PREX1: variants seen among roughly 807,000 people sequenced by gnomAD.
PREX1 encodes the protein phosphatidylinositol 3,4,5-trisphosphate-dependent Rac exchanger 1 protein.
Under a neutral mutation model 198.3 loss-of-function variants are expected in PREX1, and 41 were observed. The ratio of observed to expected loss-of-function variants is 0.21; its 90% CI spans 0.16 to 0.27. PREX1 has a LOEUF of 0.27. PREX1 is among the 10% of genes least tolerant of loss of function. The pLI is 1.00. For missense variants in PREX1, 1,620 were observed against 2,200.7 expected, an observed-to-expected ratio of 0.74 and a Z score of 5.28; for synonymous variants, 843 against 887.2, an observed-to-expected ratio of 0.95 and a Z score of 0.89.
At position 48,737,598 on chromosome 20, in the gene PREX1, C is replaced by T. The variant is rs144091409; in HGVS notation, c.415-2948G>A. Among the ~76,000 whole-genome samples the T allele has an allele frequency of 7.1e-3, 1,083 of 152,282 alleles. 11 individuals carry two copies. The highest frequency in any genetic ancestry group is 0.025 in the African/African-American group (1,030 of 41,536). On this transcript the variant is annotated intron_variant, in intron 3 of 39. Coordinates refer to ENST00000371941, the MANE Select transcript of PREX1 (RefSeq NM_020820.4). The stretch of plus-strand genomic sequence containing the variant: ...TCTTCCCAGGCTGGTCCCACCCCAC[C>T]CCAGGGACCATAAGTGAGCACATGA...
At chr20:48,680,719 C>T (rs534421268) in intron 11 of PREX1, among the ~76,000 whole-genome samples, 103 of 152,212 alleles carry the variant, frequency 6.8e-4, no homozygotes, top group African/African-American at 2.3e-3. Context: ...GTTACCTTCT[C>T]GGTGAGGCCT....
At chr20:48,856,676 G>T in the PREX1 span, among the ~76,000 whole-genome samples, 7 of 152,324 alleles carry the variant, frequency 4.6e-5, no homozygotes, top group East Asian at 1.3e-3. Context: ...TAGGGCAAGA[G>T]GGGGATGAGA....
chr20:48,867,486 C>T, the PREX1 span, among the ~76,000 whole-genome samples: 9 of 152,228 alleles, frequency 5.9e-5, no homozygotes, highest in African/African-American at 1.7e-4. Context: ...CCAAGCTGGG[C>T]GGATGAGAAT....
the PREX1 span, among the ~76,000 whole-genome samples, chr20:48,858,350 A>G: frequency 6.6e-6 from 1 of 152,116 alleles, no homozygotes; most frequent in African/African-American, 2.4e-5. Context: ...CTCAGCATCA[A>G]TCTCCTCTCA....
chr20:48,732,590 G>A (rs2090039125), intron 4 of PREX1, among the ~76,000 whole-genome samples: 1 of 152,160 alleles, frequency 6.6e-6, no homozygotes. Flanking sequence ...CACTTTTCTA[G>A]GATGGACCCC....
At position 48,827,539 on chromosome 20, in the gene PREX1, G is replaced by A. The variant is rs2090515164; in HGVS notation, c.219+103C>T. On this transcript the variant is annotated intron_variant, in intron 1 of 39. Transcript: ENST00000371941. This position sits in a 1 kb window ranked among gnomAD's most constrained non-coding sequence, Gnocchi z 4.1. Reference sequence around the variant, plus strand: ...CGCGCGCCCTGCGGGGCGCCCCCGAGGCAATTCTCCACCCACGGGGACCAC... The same window carrying A: ...CGCGCGCCCTGCGGGGCGCCCCCGAAGCAATTCTCCACCCACGGGGACCAC... The A allele has an allele frequency of 1.1e-6, 1 of 903,206 alleles. No homozygotes were observed. The highest frequency in any genetic ancestry group is 1.4e-6 in the Non-Finnish European group (1 of 697,828). The allele number at this position is 903,206 out of a possible 1,614,324, so 55.9% of individuals were successfully genotyped here.
At chr20:48,795,987 G>A (rs758556707) in intron 1 of PREX1, among the ~76,000 whole-genome samples, 1 of 152,154 alleles carries the variant, frequency 6.6e-6, no homozygotes, top group African/African-American at 2.4e-5. Context: ...AAACACACAG[G>A]GAAAGATCTG....
chr20:48,885,292 C>T, the PREX1 span, among the ~76,000 whole-genome samples: 8 of 151,956 alleles, frequency 5.3e-5, no homozygotes, highest in Admixed American at 1.3e-4. Flanking sequence ...ATATTGCAGG[C>T]GCTTAATAAA....
At chr20:48,696,425 T>A (rs2089845878) in intron 7 of PREX1, among the ~76,000 whole-genome samples, 1 of 152,206 alleles carries the variant, frequency 6.6e-6, no homozygotes, top group Non-Finnish European at 1.5e-5. Context: ...TTCGATTCCA[T>A]TACTCTACGT....
the PREX1 span, among the ~76,000 whole-genome samples, chr20:48,868,394 T>C: frequency 6.6e-6 from 1 of 152,134 alleles, no homozygotes; most frequent in Non-Finnish European, 1.5e-5. Flanking sequence ...CTCGGCTCAC[T>C]GCAACCTCCG....
At chr20:48,761,637 T>G (rs1478377551) in intron 1 of PREX1, among the ~76,000 whole-genome samples, 1 of 152,114 alleles carries the variant, frequency 6.6e-6, no homozygotes, top group Admixed American at 6.5e-5. Context: ...TGGGGGACAC[T>G]GAGAGGAACC....
intron 15 of PREX1, among the ~76,000 whole-genome samples, chr20:48,665,429 CTCCAGACG>C (rs2089631773): frequency 6.7e-6 from 1 of 148,292 alleles, no homozygotes; most frequent in Admixed American, 6.7e-5. Context: ...CTAATCCTGA[CTCCAGACG>C]GCCTGAGTTC....
the PREX1 span, among the ~76,000 whole-genome samples, chr20:48,873,540 C>T: frequency 1.5e-5 from 2 of 131,232 alleles, no homozygotes; most frequent in African/African-American, 6.0e-5. Context: ...GAAACCCAGT[C>T]TCTAGTAAAA....
chr20:48,878,323 T>C, the PREX1 span, among the ~76,000 whole-genome samples: 1 of 152,244 alleles, frequency 6.6e-6, no homozygotes, highest in Admixed American at 6.5e-5. Flanking sequence ...AGACACCTGA[T>C]ACTTTGCCCA....
At chr20:48,804,813 G>A (rs898457723) in intron 1 of PREX1, among the ~76,000 whole-genome samples, 5 of 152,180 alleles carry the variant, frequency 3.3e-5, no homozygotes, top group Non-Finnish European at 7.3e-5. Flanking sequence ...TGGGTTGGAT[G>A]TGGGATGTAA....
chr20:48,643,783 C>T (rs914050935), intron 27 of PREX1, among the ~76,000 whole-genome samples: 10 of 152,310 alleles, frequency 6.6e-5, no homozygotes, highest in Admixed American at 2.0e-4. Context: ...AAGTGATTCT[C>T]CTGCCTCAGC....
chr20:48,842,327 A>C, the PREX1 span, among the ~76,000 whole-genome samples: 1 of 152,136 alleles, frequency 6.6e-6, no homozygotes, highest in African/African-American at 2.4e-5. Flanking sequence ...AGCCTTGATT[A>C]ATCTAATCTC....
At chr20:48,802,866 T>C (rs1299694660) in intron 1 of PREX1, among the ~76,000 whole-genome samples, 1 of 152,214 alleles carries the variant, frequency 6.6e-6, no homozygotes. Flanking sequence ...CAGGCCGTTC[T>C]GCGAGCTTGT....
At chr20:48,887,961 T>A in the PREX1 span, among the ~76,000 whole-genome samples, 1 of 151,576 alleles carries the variant, frequency 6.6e-6, no homozygotes, top group Admixed American at 6.6e-5. Flanking sequence ...AAAAAATAAA[T>A]TAAATAAATA....
Sources: allele counts gnomAD v4.1 joint callset (sites outside exome capture counted in the v4.1 genomes callset), GRCh38; gene constraint gnomAD v4.1.1; non-coding constraint Gnocchi (gnomAD v3.1); transcripts MANE v1.5; gene names NCBI Gene and HGNC (gene_info 2026-07-23, HGNC 2026-07-21).